The following FBLN7 variants were observed in gnomAD, a reference collection of about 807,000 sequenced individuals.
The protein encoded by FBLN7 is fibulin 7, also known as fibulin-7.
A neutral mutation model predicts 44.0 loss-of-function variants in FBLN7; 31 were observed. The ratio of observed to expected loss-of-function variants is 0.70; its 90% CI spans 0.53 to 0.95. FBLN7 has a LOEUF of 0.95. FBLN7 is among the 40% of genes least tolerant of loss of function. FBLN7 has a pLI of 0.00. For missense variants in FBLN7, 573 were observed against 618.5 expected (o/e 0.93, Z 0.78); for synonymous variants, 262 against 253.4 (o/e 1.03, Z -0.32).
chr2:112,200,238 T>C, the FBLN7 span, among the ~76,000 whole-genome samples: 3 of 152,102 alleles, frequency 2.0e-5, no homozygotes, highest in Non-Finnish European at 2.9e-5. Flanking sequence ...TATTAGGTAA[T>C]TGGTGGCTAG....
At chr2:112,159,003 A>T (rs568163712) in intron 1 of FBLN7, among the ~76,000 whole-genome samples, 1 of 152,224 alleles carries the variant, frequency 6.6e-6, no homozygotes. Flanking sequence ...TAGCCCCGGA[A>T]CTGTGAGGAA....
chr2:112,233,711 CA>C, the FBLN7 span, among the ~76,000 whole-genome samples: 1 of 151,806 alleles, frequency 6.6e-6, no homozygotes, highest in East Asian at 1.9e-4. Context: ...ACTAACAATA[CA>C]AAAAAAATTA....
At chr2:112,185,450 G>C (rs1282827674) in intron 7 of FBLN7, 111 bp downstream of exon 7, 1 of 1,401,946 alleles carries the variant, frequency 7.1e-7, no homozygotes, top group East Asian at 2.4e-5. Context: ...AGAAAGATGA[G>C]AGGCAGGAGG....
At chr2:112,198,308 C>CGGA in the FBLN7 span, among the ~76,000 whole-genome samples, 1 of 152,042 alleles carries the variant, frequency 6.6e-6, no homozygotes, top group Admixed American at 6.6e-5. Flanking sequence ...TTTATAAAAG[C>CGGA]GGAGCTCACA....
the FBLN7 span, among the ~76,000 whole-genome samples, chr2:112,197,234 A>AC: frequency 3.4e-5 from 3 of 89,366 alleles, no homozygotes; most frequent in Admixed American, 4.0e-4. Flanking sequence ...CGTAAGAGAA[A>AC]ACACACACAC....
chr2:112,170,130 T>G (rs1682377440), intron 3 of FBLN7, among the ~76,000 whole-genome samples: 1 of 151,836 alleles, frequency 6.6e-6, no homozygotes, highest in Non-Finnish European at 1.5e-5. Flanking sequence ...TAATCTCAGC[T>G]ACTTGGGAGG....
chr2:112,241,690 C>T, the FBLN7 span, among the ~76,000 whole-genome samples: 2 of 152,188 alleles, frequency 1.3e-5, no homozygotes, highest in Non-Finnish European at 2.9e-5. Flanking sequence ...TCATGTATCA[C>T]ATTATAGTTG....
chr2:112,162,055 C>T (rs1452346409), intron 2 of FBLN7, among the ~76,000 whole-genome samples: 1 of 152,242 alleles, frequency 6.6e-6, no homozygotes, highest in African/African-American at 2.4e-5. Flanking sequence ...AGGTCTCGCT[C>T]TGTCACCCAG....
At chr2:112,181,036 A>C (rs1306293442) in intron 4 of FBLN7, among the ~76,000 whole-genome samples, 1 of 152,090 alleles carries the variant, frequency 6.6e-6, no homozygotes, top group Non-Finnish European at 1.5e-5. Flanking sequence ...TCTTTTGTGG[A>C]AACATGGATG....
chr2:112,240,016 A>G, the FBLN7 span, among the ~76,000 whole-genome samples: 3 of 152,044 alleles, frequency 2.0e-5, no homozygotes, highest in Non-Finnish European at 2.9e-5. Flanking sequence ...TGATCTGACA[A>G]TGGCCTCAAT....
chr2:112,160,840 G>GCA (rs1288877372), intron 2 of FBLN7, among the ~76,000 whole-genome samples: 3 of 111,672 alleles, frequency 2.7e-5, no homozygotes, highest in African/African-American at 1.1e-4. Flanking sequence ...ATACACGCAC[G>GCA]CACACGCGCA....
At chr2:112,207,118 T>C in the FBLN7 span, among the ~76,000 whole-genome samples, 1 of 152,184 alleles carries the variant, frequency 6.6e-6, no homozygotes, top group African/African-American at 2.4e-5. Flanking sequence ...TTAAGTTTTA[T>C]TTTATGACCC....
the FBLN7 span, among the ~76,000 whole-genome samples, chr2:112,193,258 T>G: frequency 6.6e-6 from 1 of 152,162 alleles, no homozygotes; most frequent in Non-Finnish European, 1.5e-5. Context: ...CTGGCCAACA[T>G]GGTGAAACTC....
At chr2:112,229,853 G>T in the FBLN7 span, among the ~76,000 whole-genome samples, 1 of 149,062 alleles carries the variant, frequency 6.7e-6, no homozygotes, top group Non-Finnish European at 1.5e-5. Flanking sequence ...TCATGACAGG[G>T]AATAATTTCT....
At chr2:112,226,133 C>T in the FBLN7 span, among the ~76,000 whole-genome samples, 3 of 150,548 alleles carry the variant, frequency 2.0e-5, no homozygotes, top group Admixed American at 6.6e-5. Context: ...GATTATAAGA[C>T]AATACTATAA....
intron 1 of FBLN7, among the ~76,000 whole-genome samples, chr2:112,149,572 T>A (rs1399280578): frequency 6.6e-6 from 1 of 152,140 alleles, no homozygotes; most frequent in East Asian, 1.9e-4. Flanking sequence ...CTGACTGTGC[T>A]GGCCACTCTC....
chr2:112,161,171 G>T (rs181379601), intron 2 of FBLN7, among the ~76,000 whole-genome samples: 1 of 152,198 alleles, frequency 6.6e-6, no homozygotes, highest in Non-Finnish European at 1.5e-5. Context: ...TTAGGGTGCT[G>T]GGGGACAGGG....
intron 3 of FBLN7, among the ~76,000 whole-genome samples, chr2:112,170,383 C>A (rs979689964): frequency 6.7e-6 from 1 of 149,008 alleles, no homozygotes; most frequent in African/African-American, 2.5e-5. Context: ...AAAAATTAGC[C>A]GGGCATGGTG....
intron 2 of FBLN7, among the ~76,000 whole-genome samples, chr2:112,163,324 C>T (rs1445717304): frequency 6.6e-6 from 1 of 152,212 alleles, no homozygotes. Flanking sequence ...GGGGGATGCT[C>T]AGTGACTCTG....
Sources: allele counts gnomAD v4.1 joint callset (sites outside exome capture counted in the v4.1 genomes callset), GRCh38; gene constraint gnomAD v4.1.1; transcripts MANE v1.5; gene names NCBI Gene and HGNC (gene_info 2026-07-23, HGNC 2026-07-21).